Variants in SLC9D1 observed in about 807,000 individuals in gnomAD.
SLC9D1 encodes putative LAG1-interacting protein.
the SLC9D1 span, chr13:113,501,640 T>C: frequency 1.2e-6 from 1 of 803,182 alleles, no homozygotes; most frequent in Non-Finnish European, 2.0e-6. Flanking sequence ...TCACCCTTCA[T>C]TCCCATCAGG....
chr13:113,495,384 C>A, the SLC9D1 span: 1 of 511,078 alleles, frequency 2.0e-6, no homozygotes, highest in Non-Finnish European at 3.4e-6. Context: ...TGATATTTAT[C>A]TAGGAAAAAT....
chr13:113,501,908 A>G, the SLC9D1 span: 5 of 1,574,074 alleles, frequency 3.2e-6, no homozygotes, highest in Non-Finnish European at 4.4e-6. Context: ...TTGTTTTGGT[A>G]TCTGTTTAAC....
chr13:113,501,972 C>A, the SLC9D1 span: 3 of 1,021,420 alleles, frequency 2.9e-6, no homozygotes, highest in Non-Finnish European at 3.0e-6. Context: ...GTGATTAATG[C>A]AGATACCAGC....
the SLC9D1 span, chr13:113,503,381 G>A: frequency 6.4e-6 from 4 of 624,082 alleles, no homozygotes; most frequent in African/African-American, 1.9e-5. Flanking sequence ...GTGTGTGTGT[G>A]TGTATGTGTG....
the SLC9D1 span, chr13:113,549,372 C>G: frequency 6.3e-7 from 1 of 1,594,690 alleles, no homozygotes; most frequent in Middle Eastern, 2.1e-4. Flanking sequence ...TTTCCTGTTG[C>G]AGGTGCTAGT....
At chr13:113,501,871 T>A in the SLC9D1 span, 1 of 1,610,114 alleles carries the variant, frequency 6.2e-7, no homozygotes, top group South Asian at 1.1e-5. Flanking sequence ...CAGGACTAAA[T>A]AGTATTAAGG....
the SLC9D1 span, among the ~76,000 whole-genome samples, chr13:113,502,621 A>G: frequency 6.6e-6 from 1 of 152,154 alleles, no homozygotes; most frequent in Admixed American, 6.5e-5. Context: ...CACTGATGGC[A>G]CTTCTGACAG....
the SLC9D1 span, chr13:113,496,134 G>A: frequency 1.2e-6 from 1 of 804,142 alleles, no homozygotes; most frequent in East Asian, 2.7e-5. Flanking sequence ...ACACGGAGCT[G>A]GGGAGCAGAC....
chr13:113,520,743 T>A, the SLC9D1 span: 1 of 1,573,396 alleles, frequency 6.4e-7, no homozygotes, highest in Non-Finnish European at 8.7e-7. Context: ...GGTAAACGCT[T>A]TGTGTACGCA....
At chr13:113,549,077 C>G in the SLC9D1 span, among the ~76,000 whole-genome samples, 1 of 152,214 alleles carries the variant, frequency 6.6e-6, no homozygotes, top group African/African-American at 2.4e-5. Flanking sequence ...AAGCTGTTAT[C>G]CTGTGGCCCA....
the SLC9D1 span, chr13:113,534,319 C>T: frequency 8.3e-7 from 1 of 1,208,384 alleles, no homozygotes; most frequent in Non-Finnish European, 1.2e-6. Context: ...CATTCTTTAC[C>T]TTTCCATTTT....
At chr13:113,544,799 A>G in the SLC9D1 span, among the ~76,000 whole-genome samples, 1 of 152,188 alleles carries the variant, frequency 6.6e-6, no homozygotes, top group African/African-American at 2.4e-5. Context: ...GCTCCCGCAG[A>G]CCCTGTCTCC....
chr13:113,549,498 C>G, the SLC9D1 span: 9 of 1,613,974 alleles, frequency 5.6e-6, no homozygotes, highest in Non-Finnish European at 7.6e-6. Flanking sequence ...GCTGCAATCA[C>G]GAGGTGTGTG....
At chr13:113,527,459 G>A in the SLC9D1 span, 1 of 152,166 alleles carries the variant, frequency 6.6e-6, no homozygotes, top group Non-Finnish European at 1.5e-5. Flanking sequence ...ATTTCCAGGT[G>A]GTGGCTCTCC....
chr13:113,524,274 T>C, the SLC9D1 span: 1 of 427,324 alleles, frequency 2.3e-6, no homozygotes, highest in African/African-American at 2.1e-5. Flanking sequence ...GGCTCTTTTG[T>C]TTGGTACATA....
chr13:113,549,643 C>A, the SLC9D1 span: 1 of 1,342,154 alleles, frequency 7.5e-7, no homozygotes, highest in Non-Finnish European at 1.1e-6. Flanking sequence ...GGCAACAGAA[C>A]AGCCCTCTAG....
the SLC9D1 span, chr13:113,539,435 G>T: frequency 8.7e-6 from 14 of 1,613,560 alleles, no homozygotes; most frequent in East Asian, 3.1e-4. This position sits in a 1 kb window ranked among gnomAD's most constrained non-coding sequence, Gnocchi z 4.8. Flanking sequence ...GGGCCCCGTG[G>T]TCACCGAGGA....
At chr13:113,541,541 T>G in the SLC9D1 span, among the ~76,000 whole-genome samples, 1 of 130,214 alleles carries the variant, frequency 7.7e-6, no homozygotes, top group Non-Finnish European at 1.6e-5. Flanking sequence ...CCATGCTTTA[T>G]TACCGCTGAG....
the SLC9D1 span, among the ~76,000 whole-genome samples, chr13:113,546,410 G>A: frequency 6.6e-6 from 1 of 151,938 alleles, no homozygotes; most frequent in Non-Finnish European, 1.5e-5. The surrounding 1 kb of genome is among the most constrained non-coding windows in gnomAD (Gnocchi z 7.1). Flanking sequence ...CATGGAGGGG[G>A]CAGCTCTGAG....
Sources: allele counts gnomAD v4.1 joint callset (sites outside exome capture counted in the v4.1 genomes callset), GRCh38; gene constraint gnomAD v4.1.1; non-coding constraint Gnocchi (gnomAD v3.1); transcripts MANE v1.5; gene names NCBI Gene and HGNC (gene_info 2026-07-23, HGNC 2026-07-21).